USP46: variants seen among roughly 807,000 people sequenced by gnomAD.
The protein encoded by USP46 is ubiquitin carboxyl-terminal hydrolase 46.
A neutral mutation model predicts 44.4 loss-of-function variants in USP46; 12 were observed. The observed-to-expected ratio is 0.27, with a 90% CI of 0.17 to 0.44. The LOEUF (loss-of-function observed/expected upper bound fraction) is 0.44. Among genes scored for constraint, USP46 ranks in the 20% least tolerant of loss-of-function variants. USP46 has a pLI of 1.00. For missense variants in USP46, 248 were observed against 444.8 expected, an observed-to-expected ratio of 0.56 and a Z score of 3.98; for synonymous variants, 155 against 161.5, an observed-to-expected ratio of 0.96 and a Z score of 0.31.
At chr4:52,599,499 G>A (rs1349056497) in intron 7 of USP46, among the ~76,000 whole-genome samples, 1 of 152,112 alleles carries the variant, frequency 6.6e-6, no homozygotes, top group Non-Finnish European at 1.5e-5. Flanking sequence ...CTTTGCTTGA[G>A]CAAGCCAGGA....
At chr4:52,632,990 A>AAAGAAAGAAAGAAAGAAAAGAAAGAAAG in intron 1 of USP46, among the ~76,000 whole-genome samples, 1 of 66,294 alleles carries the variant, frequency 1.5e-5, no homozygotes, top group Non-Finnish European at 3.0e-5. Context: ...GAAAGAAAAG[A>AAAGAAAGAAAGAAAGAAAAGAAAGAAAG]AAAGAAAGAA....
At chr4:52,600,300 T>C (rs1272241708) in intron 7 of USP46, among the ~76,000 whole-genome samples, 1 of 152,036 alleles carries the variant, frequency 6.6e-6, no homozygotes, top group Non-Finnish European at 1.5e-5. Context: ...CTGCTGCAAC[T>C]GTGGGCCAGG....
chr4:52,644,669 T>C (rs953733966), intron 1 of USP46, among the ~76,000 whole-genome samples: 17 of 149,656 alleles, frequency 1.1e-4, no homozygotes, highest in African/African-American at 3.2e-4. Flanking sequence ...TGTGGAAAAA[T>C]TGTCTTCCAC....
Position 52,632,983 on chromosome 4 carries a change from A to AGAAAGAAAG in USP46, c.37-1840_37-1839insCTTTCTTTC, listed in dbSNP as rs1560406138. ...AAGAAAGAAAGAAAGAAAGAAAGAA[A>AGAAAGAAAG]GAAAAGAAAAGAAAGAAAGAAAGAA... is the stretch of plus-strand genomic sequence containing the variant. On this transcript the variant is annotated intron_variant, in intron 1 of 8. Coordinates refer to ENST00000441222, the MANE Select transcript of USP46 (RefSeq NM_022832.4). Among the ~76,000 whole-genome samples the AGAAAGAAAG allele has an allele frequency of 1.2e-4, 11 of 92,768 alleles. 1 individual carries two copies. In the South Asian group the frequency reaches 3.4e-3, roughly 28 times the overall value. The allele number at this position is 92,768 out of a possible 152,430, so 60.9% of individuals were successfully genotyped here. A position where few individuals can be genotyped will look rare whatever the true frequency, so the allele number is the denominator to read the frequency against.
intron 4 of USP46, among the ~76,000 whole-genome samples, chr4:52,615,665 C>T (rs1244963945): frequency 1.3e-5 from 2 of 152,112 alleles, no homozygotes; most frequent in Non-Finnish European, 2.9e-5. Context: ...TTACATGAAA[C>T]ATCCAGAAAA....
chr4:52,632,001 T>C (rs530180135), intron 1 of USP46, among the ~76,000 whole-genome samples: 2 of 149,202 alleles, frequency 1.3e-5, no homozygotes, highest in African/African-American at 5.0e-5. Context: ...TGAGACTCCA[T>C]TGGAAAGGGA....
At chr4:52,609,975 G>T in intron 5 of USP46, among the ~76,000 whole-genome samples, 1 of 116,546 alleles carries the variant, frequency 8.6e-6, no homozygotes, top group East Asian at 2.6e-4. Flanking sequence ...GCCCAGGCTG[G>T]AGTGCAGTGG....
intron 4 of USP46, among the ~76,000 whole-genome samples, chr4:52,612,498 G>T (rs1333568233): frequency 6.6e-6 from 1 of 152,236 alleles, no homozygotes; most frequent in Non-Finnish European, 1.5e-5. Context: ...TGGCCAGTGG[G>T]ATGCTAGAAG....
At chr4:52,648,660 C>T (rs925102641) in intron 1 of USP46, among the ~76,000 whole-genome samples, 1 of 152,206 alleles carries the variant, frequency 6.6e-6, no homozygotes, top group Non-Finnish European at 1.5e-5. Flanking sequence ...GCCAACCATA[C>T]AATATGCATT....
At chr4:52,638,640 T>TTA (rs956884672) in intron 1 of USP46, among the ~76,000 whole-genome samples, 19 of 148,036 alleles carry the variant, frequency 1.3e-4, no homozygotes, top group African/African-American at 4.7e-4. Context: ...ATATATAATT[T>TTA]TATATATATA....
intron 6 of USP46, among the ~76,000 whole-genome samples, chr4:52,603,321 C>G (rs759066919): frequency 2.0e-5 from 3 of 152,216 alleles, no homozygotes; most frequent in Admixed American, 6.5e-5. Flanking sequence ...ATCTACCTAC[C>G]TCCTTGAGGA....
chr4:52,614,699 T>C (rs1454939931), intron 4 of USP46, among the ~76,000 whole-genome samples: 2 of 152,212 alleles, frequency 1.3e-5, no homozygotes, highest in Non-Finnish European at 2.9e-5. Flanking sequence ...AAGAATAAAA[T>C]GCATCAATAA....
Position 52,629,704 on chromosome 4 carries a change from G to C in USP46, c.117+1360C>G, listed in dbSNP as rs755938268. The C allele has an allele frequency of 4.4e-5, 20 of 456,116 alleles. No homozygotes were observed. The Middle Eastern group carries it at 9.7e-4, about 22-fold the overall frequency. 28.3% of individuals were successfully genotyped at this position (456,116 alleles called of 1,614,324 possible). On this transcript the variant is annotated intron_variant, in intron 2 of 8. Transcript: ENST00000441222. Reference sequence around the variant, plus strand: ...ACAACTCCTGGGAAGGGAAAGGAACGAACATTTACCGAGTGTCCACAGTAT... The same window carrying C: ...ACAACTCCTGGGAAGGGAAAGGAACCAACATTTACCGAGTGTCCACAGTAT...
chr4:52,632,615 G>T (rs1019184264), intron 1 of USP46, among the ~76,000 whole-genome samples: 1 of 151,956 alleles, frequency 6.6e-6, no homozygotes, highest in African/African-American at 2.4e-5. Context: ...GAGCCTCAGT[G>T]GTTCGAGACC....
intron 1 of USP46, among the ~76,000 whole-genome samples, chr4:52,651,627 A>G (rs763381322): frequency 3.9e-5 from 6 of 152,220 alleles, no homozygotes; most frequent in Non-Finnish European, 8.8e-5. Context: ...TGAAGGACAG[A>G]GAAATGTATT....
chr4:52,630,972 T>G, intron 2 of USP46, 92 bp downstream of exon 2: 1 of 1,035,596 alleles, frequency 9.7e-7, no homozygotes. Context: ...ACCAATCATT[T>G]AAAAATTGGT....
chr4:52,651,165 C>T (rs1429619745), intron 1 of USP46: 1 of 150,306 alleles, frequency 6.7e-6, no homozygotes, highest in Non-Finnish European at 1.5e-5. Flanking sequence ...AATAATTTTA[C>T]ATTCATTTTT....
chr4:52,623,080 T>C (rs936722865), intron 4 of USP46, among the ~76,000 whole-genome samples: 3 of 152,078 alleles, frequency 2.0e-5, no homozygotes, highest in Non-Finnish European at 2.9e-5. Context: ...AGTAGTTTAG[T>C]TGAGACTGCC....
At chr4:52,657,714 A>T (rs1719007462) in intron 1 of USP46, among the ~76,000 whole-genome samples, 1 of 152,156 alleles carries the variant, frequency 6.6e-6, no homozygotes, top group Admixed American at 6.5e-5. Context: ...GAAAACAGAA[A>T]GGCTCTAGGA....
Sources: gnomAD v4.1 joint callset for allele counts (sites outside exome capture counted in the v4.1 genomes callset) on GRCh38, gnomAD v4.1.1 for gene constraint, MANE v1.5 for transcripts, NCBI Gene and HGNC (gene_info 2026-07-23, HGNC 2026-07-21) for gene names.